The following TBC1D32 variants were observed in gnomAD, a reference collection of about 807,000 sequenced individuals.
TBC1D32 encodes the protein protein broad-minded.
A neutral mutation model predicts 170.3 loss-of-function variants in TBC1D32; 151 were observed. The observed-to-expected ratio is 0.89, with a 90% CI of 0.78 to 1.01. The LOEUF is 1.01. Ranked by LOEUF, TBC1D32 falls within the 50% of genes least tolerant of loss-of-function variation. The pLI, the probability that TBC1D32 is intolerant of heterozygous loss-of-function variation, is 0.00. For synonymous variants in TBC1D32, 498 were observed against 488.0 expected, an observed-to-expected ratio of 1.02 and a Z score of -0.27; for missense variants, 1,464 against 1,457.1, an observed-to-expected ratio of 1.00 and a Z score of -0.08.
At chr6:121,156,493 T>C (rs963256809) in intron 24 of TBC1D32, among the ~76,000 whole-genome samples, 5 of 151,986 alleles carry the variant, frequency 3.3e-5, no homozygotes, top group Non-Finnish European at 5.9e-5. Flanking sequence ...ATCTTTTTTA[T>C]GGATGTTTGT....
intron 9 of TBC1D32, among the ~76,000 whole-genome samples, chr6:121,303,146 T>C (rs1806732439): frequency 6.6e-6 from 1 of 152,124 alleles, no homozygotes; most frequent in Admixed American, 6.6e-5. Context: ...CATAAGAAAT[T>C]GCCAGGTTCA....
At chr6:121,240,155 C>T (rs1796767565) in intron 19 of TBC1D32, among the ~76,000 whole-genome samples, 1 of 152,012 alleles carries the variant, frequency 6.6e-6, no homozygotes, top group Non-Finnish European at 1.5e-5. Context: ...TAGTCTTCCT[C>T]CTTCTGTCCT....
intron 19 of TBC1D32, 78 bp downstream of exon 19, chr6:121,241,387 G>A (rs1796968625): frequency 8.5e-7 from 1 of 1,182,056 alleles, no homozygotes; most frequent in South Asian, 1.4e-5. Flanking sequence ...ATACTTAATT[G>A]TGCCAGTTAA....
chr6:121,171,715 A>T (rs1486015833), intron 22 of TBC1D32, among the ~76,000 whole-genome samples: 2 of 152,192 alleles, frequency 1.3e-5, no homozygotes, highest in Non-Finnish European at 2.9e-5. Context: ...GATAATTAAT[A>T]AAGATGAGTG....
chr6:121,206,369 T>C (rs1372040551), intron 21 of TBC1D32, among the ~76,000 whole-genome samples: 1 of 152,108 alleles, frequency 6.6e-6, no homozygotes, highest in Non-Finnish European at 1.5e-5. Flanking sequence ...CTCCAGTGAG[T>C]TTAAATTCAG....
chr6:121,224,567 A>G (rs1794859825), intron 20 of TBC1D32: 1 of 152,174 alleles, frequency 6.6e-6, no homozygotes, highest in Admixed American at 6.5e-5. Flanking sequence ...ACACATACTC[A>G]GAAAGTTGGT....
chr6:121,092,293 GTTTTTTTT>G (rs1160372863), intron 30 of TBC1D32, among the ~76,000 whole-genome samples: 8 of 50,388 alleles, frequency 1.6e-4, no homozygotes, highest in Admixed American at 9.0e-4. Flanking sequence ...TCAGTTTTAT[GTTTTTTTT>G]TTTTTTTTTT....
chr6:121,108,671 A>C (rs901670953), intron 29 of TBC1D32, among the ~76,000 whole-genome samples: 2 of 151,956 alleles, frequency 1.3e-5, no homozygotes, highest in Non-Finnish European at 2.9e-5. Flanking sequence ...AAAAAAAAAC[A>C]TAACAGTCTT....
At chr6:121,238,357 C>T (rs548834183) in intron 20 of TBC1D32, among the ~76,000 whole-genome samples, 1 of 152,160 alleles carries the variant, frequency 6.6e-6, no homozygotes, top group South Asian at 2.1e-4. Flanking sequence ...ATGCTTTTAG[C>T]TACTTGATTT....
rs185692107 is a variant in TBC1D32, at chr6:121,285,530, G to T, written c.1373-1620C>A. 1.4e-3 allele frequency among the ~76,000 whole-genome samples: 206 copies of T among 152,242 alleles called. 1 individual carries two copies. Among genetic ancestry groups the T allele is most frequent in the Middle Eastern group, 6.8e-3 (2 of 294 alleles). On this transcript the variant is annotated intron_variant, in intron 12 of 31. Transcript: ENST00000398212. ...CTCCCAAAAGAAAACCAGGTACGAG[G>T]GGTGGAGCCAAGATGGCCAAATAGG...
intron 20 of TBC1D32, among the ~76,000 whole-genome samples, chr6:121,233,581 C>T (rs1393702682): frequency 6.6e-6 from 1 of 152,112 alleles, no homozygotes; most frequent in Non-Finnish European, 1.5e-5. Context: ...ACCCCTTTAT[C>T]TTAAGTTTAT....
chr6:121,122,303 C>T (rs1248038374), intron 26 of TBC1D32, among the ~76,000 whole-genome samples: 2 of 151,938 alleles, frequency 1.3e-5, no homozygotes, highest in Non-Finnish European at 2.9e-5. Flanking sequence ...GTTTCTCTTC[C>T]TTCAGTCATT....
At chr6:121,239,874 A>G (rs1316876803) in intron 19 of TBC1D32, among the ~76,000 whole-genome samples, 2 of 152,182 alleles carry the variant, frequency 1.3e-5, no homozygotes, top group East Asian at 3.8e-4. Flanking sequence ...TAAGTTCATA[A>G]CAACAATATT....
rs183450293 is a variant in TBC1D32 at position 121,230,291 on chromosome 6, T to C, written c.2365-6939A>G. Reference sequence around the variant, plus strand: ...ACTATGCATCATGACTAATTAAACATACGGATGCTGATAATACTTTCTACC... The same window carrying C: ...ACTATGCATCATGACTAATTAAACACACGGATGCTGATAATACTTTCTACC... On this transcript the variant is annotated intron_variant, in intron 20 of 31. Coordinates refer to ENST00000398212, the MANE Select transcript of TBC1D32 (RefSeq NM_152730.6). Among the ~76,000 whole-genome samples the C allele has an allele frequency of 3.7e-3, 568 of 152,262 alleles. 2 individuals carry two copies. Among genetic ancestry groups the C allele is most frequent in the Admixed American group, 7.8e-3 (119 of 15,278 alleles).
intron 17 of TBC1D32, among the ~76,000 whole-genome samples, chr6:121,244,489 T>C (rs1217527865): frequency 6.6e-6 from 1 of 152,134 alleles, no homozygotes; most frequent in African/African-American, 2.4e-5. Flanking sequence ...TGGGACCTGC[T>C]GTGGGGGTGG....
At chr6:121,214,840 C>T (rs1260922280) in intron 21 of TBC1D32, among the ~76,000 whole-genome samples, 1 of 152,158 alleles carries the variant, frequency 6.6e-6, no homozygotes, top group East Asian at 1.9e-4. Flanking sequence ...GTCCCACATC[C>T]AGGAAGAATG....
At chr6:121,084,164 T>C (rs1179632255) in intron 31 of TBC1D32, among the ~76,000 whole-genome samples, 1 of 152,150 alleles carries the variant, frequency 6.6e-6, no homozygotes, top group African/African-American at 2.4e-5. Context: ...CCATGTTTGA[T>C]TTCCTTATTA....
At chr6:121,227,979 C>T (rs1795273065) in intron 20 of TBC1D32, among the ~76,000 whole-genome samples, 1 of 151,994 alleles carries the variant, frequency 6.6e-6, no homozygotes, top group South Asian at 2.1e-4. Flanking sequence ...CAAATGCATA[C>T]CTATTTTTTT....
At chr6:121,251,261 C>T (rs745493312) in intron 17 of TBC1D32, among the ~76,000 whole-genome samples, 1 of 151,952 alleles carries the variant, frequency 6.6e-6, no homozygotes, top group Non-Finnish European at 1.5e-5. Context: ...AAAGAGCCCA[C>T]TTAGCCAAGA....
Sources: allele counts gnomAD v4.1 joint callset (sites outside exome capture counted in the v4.1 genomes callset), GRCh38; gene constraint gnomAD v4.1.1; transcripts MANE v1.5; gene names NCBI Gene and HGNC (gene_info 2026-07-23, HGNC 2026-07-21).